RNGTT: variants seen among roughly 807,000 people sequenced by gnomAD.
RNGTT encodes mRNA-capping enzyme.
Under a neutral mutation model 79.3 loss-of-function variants are expected in RNGTT, and 33 were observed. That is an observed-to-expected ratio of 0.42 (90% CI 0.32 to 0.56). The LOEUF (loss-of-function observed/expected upper bound fraction) is 0.56. Among genes scored for constraint, RNGTT ranks in the 20% least tolerant of loss-of-function variants. The pLI is 0.17. For missense variants in RNGTT, 497 were observed against 739.1 expected, an observed-to-expected ratio of 0.67 and a Z score of 3.80; for synonymous variants, 222 against 235.9, an observed-to-expected ratio of 0.94 and a Z score of 0.54.
chr6:88,920,966 G>A (rs138858834), intron 4 of RNGTT, among the ~76,000 whole-genome samples: 322 of 152,218 alleles, frequency 2.1e-3, no homozygotes, highest in African/African-American at 7.3e-3. Context: ...GCCAAATTTT[G>A]GAGCACAGGA....
At chr6:88,941,776 G>A (rs1784856235) in intron 1 of RNGTT, among the ~76,000 whole-genome samples, 1 of 150,766 alleles carries the variant, frequency 6.6e-6, no homozygotes, top group African/African-American at 2.4e-5. Flanking sequence ...CCATTCTCCT[G>A]CCTCAGCCAA....
intron 14 of RNGTT, among the ~76,000 whole-genome samples, chr6:88,655,894 G>A (rs1322242781): frequency 1.3e-5 from 2 of 152,086 alleles, no homozygotes; most frequent in African/African-American, 4.8e-5. Context: ...GGTTTTTATG[G>A]ATTCTGGCTG....
At chr6:88,648,709 C>T (rs994755963) in intron 14 of RNGTT, among the ~76,000 whole-genome samples, 3 of 152,166 alleles carry the variant, frequency 2.0e-5, no homozygotes, top group Admixed American at 1.3e-4. Context: ...TACCATTCTC[C>T]TAATTGGTAG....
At chr6:88,861,215 A>G (rs1782003405) in intron 8 of RNGTT, among the ~76,000 whole-genome samples, 1 of 152,218 alleles carries the variant, frequency 6.6e-6, no homozygotes, top group Non-Finnish European at 1.5e-5. Flanking sequence ...ATTAGTATAC[A>G]GAAATAAATT....
At chr6:88,702,528 C>A (rs76436620) in intron 13 of RNGTT, among the ~76,000 whole-genome samples, 3,542 of 152,156 alleles carry the variant, frequency 0.023, 155 homozygotes, top group African/African-American at 0.079. Flanking sequence ...TGAAACTAGA[C>A]CCCTATCTTT....
chr6:88,938,400 T>C (rs1784736961), intron 2 of RNGTT, among the ~76,000 whole-genome samples: 1 of 152,232 alleles, frequency 6.6e-6, no homozygotes, highest in Non-Finnish European at 1.5e-5. Context: ...TCCATCCCTT[T>C]ACTTTCAGTC....
chr6:88,731,491 G>A (rs1234837886), intron 13 of RNGTT, among the ~76,000 whole-genome samples: 1 of 152,120 alleles, frequency 6.6e-6, no homozygotes, highest in African/African-American at 2.4e-5. Flanking sequence ...CAATTAATAT[G>A]TCAAGAACTC....
At chr6:88,920,395 A>T (rs1234248902) in intron 4 of RNGTT, among the ~76,000 whole-genome samples, 4 of 152,158 alleles carry the variant, frequency 2.6e-5, no homozygotes, top group African/African-American at 9.7e-5. Context: ...TTGTTTTGAA[A>T]AAAGCAGGTT....
At chr6:88,678,571 C>T (rs1354590598) in intron 13 of RNGTT, 152 bp from the exon 14 acceptor site, 1 of 374,690 alleles carries the variant, frequency 2.7e-6, no homozygotes, top group East Asian at 4.9e-5. Context: ...TGTAATTATT[C>T]TTATCTTTCA....
intron 13 of RNGTT, among the ~76,000 whole-genome samples, chr6:88,718,310 C>T (rs1776590753): frequency 6.6e-6 from 1 of 151,466 alleles, no homozygotes; most frequent in African/African-American, 2.4e-5. Flanking sequence ...TCACTTGAAC[C>T]CAGGAGGTGG....
rs922608424 is a variant in RNGTT at position 88,801,726 on chromosome 6, A to G, written c.1270-94T>C. ...CTAAGCTTTATAAAAACTTCTTAATATATAAGTTATAAGAACTGAAATACA... is the reference window on the plus strand; with the variant it reads ...CTAAGCTTTATAAAAACTTCTTAATGTATAAGTTATAAGAACTGAAATACA... On this transcript the variant is annotated intron_variant, in intron 11 of 15. Transcript: ENST00000369485. 26 of 765,020 alleles carry G rather than the reference A, an allele frequency of 3.4e-5. No homozygotes were observed. The Admixed American group carries it at 4.3e-4, about 13-fold the overall frequency. The allele number at this position is 765,020 out of a possible 1,614,324, so 47.4% of individuals were successfully genotyped here.
chr6:88,677,624 AT>A (rs752946111), intron 14 of RNGTT, among the ~76,000 whole-genome samples: 33 of 148,190 alleles, frequency 2.2e-4, no homozygotes, highest in Admixed American at 4.0e-4. Flanking sequence ...GGCCAGCGAA[AT>A]TTTTTTTTTT....
At chr6:88,781,802 ATAATGCTCC>A (rs1779072610) in intron 12 of RNGTT, among the ~76,000 whole-genome samples, 1 of 152,128 alleles carries the variant, frequency 6.6e-6, no homozygotes, top group African/African-American at 2.4e-5. Context: ...TCTGATTAAC[ATAATGCTCC>A]TAACCAGAAA....
chr6:88,824,840 C>T (rs1229517957), intron 11 of RNGTT, among the ~76,000 whole-genome samples: 1 of 150,356 alleles, frequency 6.7e-6, no homozygotes, highest in East Asian at 2.0e-4. Context: ...CAACCTGGGT[C>T]CAAGAGATTC....
At chr6:88,665,095 G>A (rs918715679) in intron 14 of RNGTT, among the ~76,000 whole-genome samples, 1 of 152,118 alleles carries the variant, frequency 6.6e-6, no homozygotes, top group African/African-American at 2.4e-5. Flanking sequence ...ACCAAGCAAG[G>A]CTCTTTACAA....
At chr6:88,915,594 C>A (rs1470877268) in intron 4 of RNGTT, among the ~76,000 whole-genome samples, 1 of 152,082 alleles carries the variant, frequency 6.6e-6, no homozygotes. Context: ...AAGACAGGAA[C>A]AAACACTGGG....
chr6:88,872,783 G>A (rs56790334), intron 8 of RNGTT, among the ~76,000 whole-genome samples: 2,886 of 152,120 alleles, frequency 0.019, 83 homozygotes, highest in African/African-American at 0.066. Context: ...AGAAATAGAC[G>A]GAGAAGTACT....
At chr6:88,847,669 C>T (rs993554698) in intron 10 of RNGTT, among the ~76,000 whole-genome samples, 3 of 151,716 alleles carry the variant, frequency 2.0e-5, no homozygotes, top group Non-Finnish European at 4.4e-5. Flanking sequence ...GACCTAAGGA[C>T]AAAAAGCATA....
intron 13 of RNGTT, among the ~76,000 whole-genome samples, chr6:88,697,878 A>T (rs999324528): frequency 7.9e-5 from 9 of 114,554 alleles, no homozygotes; most frequent in Admixed American, 8.4e-5. Flanking sequence ...CTTGGAAAAA[A>T]ATATATATAT....
Sources: allele counts gnomAD v4.1 joint callset (sites outside exome capture counted in the v4.1 genomes callset), GRCh38; gene constraint gnomAD v4.1.1; transcripts MANE v1.5; gene names NCBI Gene and HGNC (gene_info 2026-07-23, HGNC 2026-07-21).